The following SH3GL2 variants were observed in gnomAD, a reference collection of about 807,000 sequenced individuals.
The protein encoded by SH3GL2 is endophilin-A1.
SH3GL2 carries 24 observed loss-of-function variants against 46.0 expected under a neutral mutation model. The ratio of observed to expected loss-of-function variants is 0.52; its 90% confidence interval spans 0.38 to 0.73. The LOEUF (loss-of-function observed/expected upper bound fraction) is 0.73, where lower values mean the gene tolerates loss of function less well. SH3GL2 is among the 30% of genes least tolerant of loss of function. The probability of loss-of-function intolerance (pLI) is 0.00; values close to 1 mark genes in which losing one functional copy is unlikely to be tolerated. For synonymous variants in SH3GL2, 196 were observed against 147.1 expected, an observed-to-expected ratio of 1.33 and a Z score of -2.40; for missense variants, 413 against 424.2, an observed-to-expected ratio of 0.97 and a Z score of 0.23.
intron 1 of SH3GL2, among the ~76,000 whole-genome samples, chr9:17,597,634 A>G (rs867870646): frequency 7.2e-5 from 11 of 152,154 alleles, no homozygotes; most frequent in African/African-American, 2.7e-4. Flanking sequence ...TTCTCTTAAG[A>G]GTAAGGGTTT....
At chr9:17,745,518 T>C (rs766176957) in intron 1 of SH3GL2, among the ~76,000 whole-genome samples, 1 of 152,114 alleles carries the variant, frequency 6.6e-6, no homozygotes, top group Non-Finnish European at 1.5e-5. Flanking sequence ...GCGCCATATT[T>C]CTCCTATTTC....
intron 1 of SH3GL2, among the ~76,000 whole-genome samples, chr9:17,627,655 C>T (rs902993055): frequency 3.3e-5 from 5 of 152,124 alleles, no homozygotes; most frequent in African/African-American, 4.8e-5. Context: ...ATTGCTGTGG[C>T]GGTGCTCTGA....
chr9:17,619,676 T>G (rs1452488640), intron 1 of SH3GL2, among the ~76,000 whole-genome samples: 1 of 135,392 alleles, frequency 7.4e-6, no homozygotes, highest in Non-Finnish European at 1.5e-5. Flanking sequence ...AAACTCCATC[T>G]CAAAAAAAAA....
At chr9:17,765,404 C>G (rs987786075) in intron 3 of SH3GL2, among the ~76,000 whole-genome samples, 1 of 152,214 alleles carries the variant, frequency 6.6e-6, no homozygotes, top group Non-Finnish European at 1.5e-5. Context: ...TCTTAAAACT[C>G]AGTTCCTATT....
chr9:17,772,516 G>T (rs978817866), intron 3 of SH3GL2, among the ~76,000 whole-genome samples: 1 of 152,000 alleles, frequency 6.6e-6, no homozygotes, highest in African/African-American at 2.4e-5. Flanking sequence ...TACTTCAGCC[G>T]CTGGCTACCA....
intron 1 of SH3GL2, among the ~76,000 whole-genome samples, chr9:17,636,653 AATAAC>A (rs1274074053): frequency 6.6e-6 from 1 of 152,178 alleles, no homozygotes; most frequent in East Asian, 1.9e-4. Context: ...CCATAGAGTT[AATAAC>A]CCTCATCACC....
Position 17,614,295 on chromosome 9 carries a change from G to GGAAAAAAAAAA in SH3GL2, c.45+35008_45+35009insGAAAAAAAAAA, listed in dbSNP as rs762920242. Among the ~76,000 whole-genome samples, 35 of 70,296 alleles carry GGAAAAAAAAAA rather than the reference G, an allele frequency of 5.0e-4. 1 individual carries two copies. In the East Asian group the frequency reaches 7.3e-3, roughly 15 times the overall value. The allele number at this position is 70,296 out of a possible 152,430, so 46.1% of individuals were successfully genotyped here. On this transcript the variant is annotated intron_variant, in intron 1 of 8. Transcript: ENST00000380607. The stretch of plus-strand genomic sequence containing the variant: ...GTGACAGGGAACATGCATGGTTTCT[G>GGAAAAAAAAAA]AAAAAAAAAAAAAAAAAAAAAAAAA...
intron 2 of SH3GL2, among the ~76,000 whole-genome samples, chr9:17,753,419 A>G (rs1369874851): frequency 2.0e-5 from 3 of 152,132 alleles, no homozygotes; most frequent in Non-Finnish European, 2.9e-5. Context: ...GTGTTTCTGT[A>G]ATGATCAGTG....
intron 1 of SH3GL2, among the ~76,000 whole-genome samples, chr9:17,710,170 C>G (rs1027579493): frequency 1.3e-5 from 2 of 151,928 alleles, no homozygotes; most frequent in Non-Finnish European, 2.9e-5. Context: ...TGAGTTCTCA[C>G]AAGATCTCAT....
chr9:17,789,268 G>T (rs1824053895), intron 5 of SH3GL2, 124 bp from the exon 6 acceptor site: 14 of 698,796 alleles, frequency 2.0e-5, no homozygotes, highest in Non-Finnish European at 3.2e-5. Flanking sequence ...TTCTCTGGTG[G>T]CGTTGTATTT....
intron 1 of SH3GL2, among the ~76,000 whole-genome samples, chr9:17,649,027 A>AT (rs1260639192): frequency 6.6e-5 from 10 of 152,188 alleles, no homozygotes; most frequent in African/African-American, 2.4e-4. Flanking sequence ...GTGTATAAAA[A>AT]TAAGTCTGTC....
At chr9:17,734,832 T>TA (rs894165940) in intron 1 of SH3GL2, among the ~76,000 whole-genome samples, 3 of 152,094 alleles carry the variant, frequency 2.0e-5, no homozygotes, top group African/African-American at 7.2e-5. Context: ...GTGAAGGCTG[T>TA]AAAAAAATTC....
chr9:17,667,174 C>CT (rs1297290921), intron 1 of SH3GL2, among the ~76,000 whole-genome samples: 2 of 151,996 alleles, frequency 1.3e-5, no homozygotes, highest in Non-Finnish European at 2.9e-5. Flanking sequence ...GCAGCAAATA[C>CT]TTTTTTCTAG....
At chr9:17,792,411 A>G (rs144108375) in intron 7 of SH3GL2, among the ~76,000 whole-genome samples, 92 of 152,306 alleles carry the variant, frequency 6.0e-4, no homozygotes, top group Non-Finnish European at 2.4e-4. Flanking sequence ...CAAAGTCAGT[A>G]TCATTCTACA....
chr9:17,779,644 A>G (rs911913211), intron 3 of SH3GL2, among the ~76,000 whole-genome samples: 2 of 152,172 alleles, frequency 1.3e-5, no homozygotes, highest in Non-Finnish European at 2.9e-5. Context: ...ATATAAAACC[A>G]CTGGAAGAAA....
At chr9:17,720,062 A>G (rs1355083625) in intron 1 of SH3GL2, among the ~76,000 whole-genome samples, 1 of 152,118 alleles carries the variant, frequency 6.6e-6, no homozygotes, top group East Asian at 1.9e-4. Flanking sequence ...CATCAGTGAC[A>G]AAGTAGTATT....
At chr9:17,756,384 G>A (rs1190172218) in intron 2 of SH3GL2, among the ~76,000 whole-genome samples, 2 of 151,496 alleles carry the variant, frequency 1.3e-5, no homozygotes, top group Admixed American at 1.3e-4. Context: ...TTGCAGGTTT[G>A]TTACATATGT....
chr9:17,770,468 G>A (rs185649472), intron 3 of SH3GL2, among the ~76,000 whole-genome samples: 69 of 152,246 alleles, frequency 4.5e-4, no homozygotes, highest in Non-Finnish European at 8.8e-4. Context: ...ACTCTAGGGT[G>A]ACTTGTACAG....
intron 1 of SH3GL2, among the ~76,000 whole-genome samples, chr9:17,736,926 A>G (rs1228246368): frequency 6.6e-6 from 1 of 152,150 alleles, no homozygotes. Context: ...AGGACTGTTC[A>G]CAATAGCAAA....
Sources: allele counts gnomAD v4.1 joint callset (sites outside exome capture counted in the v4.1 genomes callset), GRCh38; gene constraint gnomAD v4.1.1; transcripts MANE v1.5; gene names NCBI Gene and HGNC (gene_info 2026-07-23, HGNC 2026-07-21).